The following KCND2 variants were observed in gnomAD, a reference collection of about 807,000 sequenced individuals.
The protein encoded by KCND2 is A-type voltage-gated potassium channel KCND2.
Under a neutral mutation model 54.4 loss-of-function variants are expected in KCND2, and 16 were observed. The observed-to-expected ratio is 0.29, with a 90% confidence interval of 0.20 to 0.45. The LOEUF (loss-of-function observed/expected upper bound fraction) is 0.45, where lower values mean the gene tolerates loss of function less well. KCND2 is among the 20% of genes least tolerant of loss of function. KCND2 has a pLI of 1.00. For missense variants in KCND2, 486 were observed against 824.2 expected (o/e 0.59, Z 5.02); for synonymous variants, 317 against 310.7 (o/e 1.02, Z -0.21).
In KCND2 at chr7:120,273,368, C is replaced by G. The variant is rs1799109701; in HGVS notation, c.-1265C>G. Among the ~76,000 whole-genome samples, 1 of 147,986 alleles carries G rather than the reference C, an allele frequency of 6.8e-6. No homozygotes were observed. The highest frequency in any genetic ancestry group is 1.5e-5 in the Non-Finnish European group (1 of 66,512). On this transcript the variant is annotated 5_prime_UTR_variant, in exon 1 of 6. Transcript: ENST00000331113. Reference sequence around the variant, plus strand: ...TCCGCGCTCGGACGAGAGCCCGTGCCGGCCCCGGCCCCGGCCCCACCGCGC... The same window carrying G: ...TCCGCGCTCGGACGAGAGCCCGTGCGGGCCCCGGCCCCGGCCCCACCGCGC...
intron 1 of KCND2, among the ~76,000 whole-genome samples, chr7:120,652,514 A>T (rs77019717): frequency 0.011 from 1,651 of 152,334 alleles, 9 homozygotes; most frequent in Non-Finnish European, 0.015. Context: ...AAAAAGGAAT[A>T]AACAATGAAA....
At chr7:120,693,296 C>T (rs1481103369) in intron 1 of KCND2, among the ~76,000 whole-genome samples, 2 of 152,106 alleles carry the variant, frequency 1.3e-5, no homozygotes, top group African/African-American at 4.8e-5. Flanking sequence ...CAGAGCACCA[C>T]GTACTTCCGC....
rs550559014 is a variant in KCND2, at chr7:120,492,927, G to A, written c.1115+217180G>A. 6.6e-5 allele frequency among the ~76,000 whole-genome samples: 10 copies of A among 152,048 alleles called. No homozygotes were observed. The South Asian group carries it at 1.9e-3, about 28-fold the overall frequency. On this transcript the variant is annotated intron_variant, in intron 1 of 5. Coordinates refer to ENST00000331113, the MANE Select transcript of KCND2 (RefSeq NM_012281.3). ...CAGAATGGTTGTATGAATACTTGAG[G>A]TATGGTTCCTATTGAATATATATTG... is the stretch of plus-strand genomic sequence containing the variant.
chr7:120,274,410 T>C lies in KCND2; in HGVS notation c.-223T>C. The stretch of plus-strand genomic sequence containing the variant: ...TCTGTTGAGGGTGATTGTTAGGACG[T>C]TGTATTTTGTTGCCATTATTCCAAA... On this transcript the variant is annotated 5_prime_UTR_variant, in exon 1 of 6. Transcript: ENST00000331113. 1 of 621,612 alleles carries C rather than the reference T, an allele frequency of 1.6e-6. No homozygotes were observed. Among genetic ancestry groups the C allele is most frequent in the South Asian group, 1.9e-5 (1 of 52,662 alleles). The allele number at this position is 621,612 out of a possible 1,614,324, so 38.5% of individuals were successfully genotyped here. A position where few individuals can be genotyped will look rare whatever the true frequency, so the allele number is the denominator to read the frequency against.
At chr7:120,685,753 A>G (rs537000089) in intron 1 of KCND2, among the ~76,000 whole-genome samples, 1 of 152,230 alleles carries the variant, frequency 6.6e-6, no homozygotes, top group Admixed American at 6.5e-5. Context: ...AAGAAAAGTT[A>G]TCTAAAAATG....
intron 1 of KCND2, among the ~76,000 whole-genome samples, chr7:120,613,433 A>C (rs556339968): frequency 1.3e-5 from 2 of 152,232 alleles, no homozygotes; most frequent in South Asian, 4.2e-4. Context: ...TGGGAGGCTG[A>C]GGTAGGAGAA....
intron 1 of KCND2, among the ~76,000 whole-genome samples, chr7:120,312,421 T>C (rs1799749151): frequency 6.6e-6 from 1 of 151,930 alleles, no homozygotes; most frequent in Admixed American, 6.6e-5. Flanking sequence ...GATTGCTGGG[T>C]CAAACGATAT....
rs576745109 is a variant in KCND2, at chr7:120,508,879, T to C, written c.1116-224024T>C. On this transcript the variant is annotated intron_variant, in intron 1 of 5. Coordinates refer to ENST00000331113, the MANE Select transcript of KCND2 (RefSeq NM_012281.3). The stretch of plus-strand genomic sequence containing the variant: ...CAGATACACACTTTTAGATTGGAAG[T>C]TGCCTTTCACGATTTTTTTTTTTTT... 1.9e-3 allele frequency among the ~76,000 whole-genome samples: 283 copies of C among 146,576 alleles called. 1 individual carries two copies. Among genetic ancestry groups the C allele is most frequent in the African/African-American group, 7.4e-3 (276 of 37,336 alleles).
At chr7:120,549,004 C>A (rs757810360) in intron 1 of KCND2, among the ~76,000 whole-genome samples, 2 of 152,018 alleles carry the variant, frequency 1.3e-5, no homozygotes, top group African/African-American at 4.8e-5. Flanking sequence ...TAGATGTAAT[C>A]TTTTTATTGG....
intron 1 of KCND2, among the ~76,000 whole-genome samples, chr7:120,518,101 A>G (rs1035950162): frequency 1.3e-5 from 2 of 152,130 alleles, no homozygotes; most frequent in Non-Finnish European, 2.9e-5. Flanking sequence ...TCTCTACACA[A>G]AGTGAACATC....
chr7:120,376,078 C>A (rs553561161), intron 1 of KCND2, among the ~76,000 whole-genome samples: 3 of 151,676 alleles, frequency 2.0e-5, no homozygotes, highest in Non-Finnish European at 4.4e-5. Flanking sequence ...GCTTATCTCC[C>A]AGTCAAGAAA....
chr7:120,323,765 G>A (rs1315634224), intron 1 of KCND2, among the ~76,000 whole-genome samples: 7 of 131,766 alleles, frequency 5.3e-5, no homozygotes, highest in Non-Finnish European at 9.5e-5. Flanking sequence ...ACATACGTGT[G>A]CATGTGTCTT....
chr7:120,583,337 G>A (rs1422774979), intron 1 of KCND2, among the ~76,000 whole-genome samples: 1 of 151,944 alleles, frequency 6.6e-6, no homozygotes, highest in Non-Finnish European at 1.5e-5. Flanking sequence ...TTTTCCTAAT[G>A]AATTTTATAA....
intron 1 of KCND2, among the ~76,000 whole-genome samples, chr7:120,348,604 ACTCTATG>A (rs1256512374): frequency 6.6e-6 from 1 of 152,206 alleles, no homozygotes; most frequent in East Asian, 1.9e-4. Context: ...TAGTCAAATT[ACTCTATG>A]CTCTATGAAG....
At chr7:120,556,511 C>T (rs1335574773) in intron 1 of KCND2, among the ~76,000 whole-genome samples, 1 of 152,180 alleles carries the variant, frequency 6.6e-6, no homozygotes, top group Admixed American at 6.5e-5. Flanking sequence ...AAGGATCTCT[C>T]TTTAGATAGA....
intron 1 of KCND2, among the ~76,000 whole-genome samples, chr7:120,450,266 T>G (rs1802082772): frequency 1.3e-5 from 2 of 152,064 alleles, no homozygotes; most frequent in South Asian, 4.1e-4. Flanking sequence ...AAATATTAGC[T>G]GGGCATGGTG....
chr7:120,343,694 A>C (rs1173044349), intron 1 of KCND2, among the ~76,000 whole-genome samples: 1 of 152,202 alleles, frequency 6.6e-6, no homozygotes, highest in Non-Finnish European at 1.5e-5. Flanking sequence ...CATAAGTAAA[A>C]TCATGTTGGT....
chr7:120,508,903 T>C (rs180904068), intron 1 of KCND2, among the ~76,000 whole-genome samples: 117 of 151,766 alleles, frequency 7.7e-4, no homozygotes, highest in Middle Eastern at 3.4e-3. Context: ...TTTTTTTTTT[T>C]TTGGACATCC....
chr7:120,306,055 A>G (rs1361998076), intron 1 of KCND2, among the ~76,000 whole-genome samples: 1 of 152,168 alleles, frequency 6.6e-6, no homozygotes, highest in Non-Finnish European at 1.5e-5. Context: ...TGGCTAGCAT[A>G]GAGTGGACAT....
Sources: gnomAD v4.1 joint callset for allele counts (sites outside exome capture counted in the v4.1 genomes callset) on GRCh38, gnomAD v4.1.1 for gene constraint, MANE v1.5 for transcripts, NCBI Gene and HGNC (gene_info 2026-07-23, HGNC 2026-07-21) for gene names.